Variants in SMC1A observed in about 807,000 individuals in gnomAD.
The protein encoded by SMC1A is structural maintenance of chromosomes 1A, also known as structural maintenance of chromosomes protein 1A.
Under a neutral mutation model 94.5 loss-of-function variants are expected in SMC1A, and 4 were observed. The observed-to-expected ratio is 0.04, with a 90% CI of 0.02 to 0.10. SMC1A has a LOEUF of 0.10. Among genes scored for constraint, SMC1A ranks in the 10% least tolerant of loss-of-function variants. The pLI is 1.00. For synonymous variants in SMC1A, 345 were observed against 347.7 expected (o/e 0.99, Z 0.09); for missense variants, 304 against 989.0 (o/e 0.31, Z 9.29).
At chrX:53,401,330 ATTCCCATTACC>A (rs2075669781) in intron 15 of SMC1A, among the ~76,000 whole-genome samples, 1 of 111,865 alleles carries the variant, frequency 8.9e-6, no homozygotes, top group Non-Finnish European at 1.9e-5. Flanking sequence ...CCCAATTTCC[ATTCCCATTACC>A]TTCCCTACTG....
chrX:53,382,676 A>G lies in SMC1A; in HGVS notation c.3131-16T>C, dbSNP rs781904593. 1.7e-5 allele frequency: 21 copies of G among 1,208,940 alleles called. No individual in the cohort carries two copies. The highest frequency in any genetic ancestry group is 2.1e-5 in the Non-Finnish European group (19 of 894,856). ...GCTTCAAACTCTGCCAGAAAGAAAG[A>G]CAGGAGACCCCTCAGTGCCCTGGCA... On this transcript the variant is annotated splice_polypyrimidine_tract_variant and intron_variant, in intron 20 of 24. Coordinates refer to ENST00000322213, the MANE Select transcript of SMC1A (RefSeq NM_006306.4).
chrX:53,393,324 G>GA (rs2075636883), intron 19 of SMC1A, among the ~76,000 whole-genome samples: 1 of 108,081 alleles, frequency 9.3e-6, no homozygotes, highest in African/African-American at 3.4e-5. Context: ...AAATACGAAG[G>GA]AAAAAAATAA....
chrX:53,407,746 T>C (rs925687560), intron 9 of SMC1A, among the ~76,000 whole-genome samples: 2 of 111,536 alleles, frequency 1.8e-5, no homozygotes, highest in Non-Finnish European at 3.8e-5. Flanking sequence ...GGAGAATTGC[T>C]TGGTGTGTGA....
chrX:53,418,917 T>C (rs1391997305), intron 1 of SMC1A, among the ~76,000 whole-genome samples: 1 of 107,974 alleles, frequency 9.3e-6, no homozygotes, highest in South Asian at 4.0e-4. Flanking sequence ...GTTGTGTGCC[T>C]ATAATCCCAG....
Position 53,378,332 on chromosome X carries a change from C to T in SMC1A, c.*1771G>A, listed in dbSNP as rs1215300700. ...CTTAATGTCCATCACAAAAGAAATG[C>T]GTAAGTAAAATGTGGTAATCATATG... On this transcript the variant is annotated 3_prime_UTR_variant, in exon 25 of 25. Transcript: ENST00000322213. 3 of 112,059 alleles carry T rather than the reference C, an allele frequency of 2.7e-5. No homozygotes were observed. Among genetic ancestry groups the T allele is most frequent in the Non-Finnish European group, 5.6e-5 (3 of 53,225 alleles). 9.2% of individuals were successfully genotyped at this position (112,059 alleles called of 1,213,427 possible). A position where few individuals can be genotyped will look rare whatever the true frequency, so the allele number is the denominator to read the frequency against.
intron 1 of SMC1A, 134 bp downstream of exon 1, chrX:53,422,358 C>G (rs1556892304): frequency 3.9e-6 from 2 of 511,329 alleles, no homozygotes; most frequent in East Asian, 7.1e-5. Flanking sequence ...TCGAGCAGAA[C>G]CCCCTCTGGA....
chrX:53,415,303 C>G, intron 1 of SMC1A, 134 bp from the exon 2 acceptor site: 1 of 546,198 alleles, frequency 1.8e-6, no homozygotes, highest in East Asian at 3.6e-5. Flanking sequence ...GAGACTACTC[C>G]TCTGTCCCCA....
chrX:53,384,166 G>A (rs1453359845), intron 19 of SMC1A, among the ~76,000 whole-genome samples: 2 of 111,437 alleles, frequency 1.8e-5, no homozygotes, highest in Non-Finnish European at 3.8e-5. Context: ...TTACCTCATC[G>A]GGTGATAAAA....
chrX:53,417,138 C>A (rs1556891400), intron 1 of SMC1A, among the ~76,000 whole-genome samples: 1 of 111,299 alleles, frequency 9.0e-6, no homozygotes, highest in African/African-American at 3.3e-5. Flanking sequence ...CTAGGAAATA[C>A]AGCAATACAA....
At chrX:53,394,377 G>A (rs1488962152) in intron 19 of SMC1A, among the ~76,000 whole-genome samples, 2 of 109,607 alleles carry the variant, frequency 1.8e-5, no homozygotes, top group East Asian at 2.9e-4. Flanking sequence ...CGGAAGCCAC[G>A]GAAGTAAAGT....
At chrX:53,395,189 A>G (rs1220413490) in intron 18 of SMC1A, among the ~76,000 whole-genome samples, 2 of 111,582 alleles carry the variant, frequency 1.8e-5, no homozygotes, top group Admixed American at 9.5e-5. Context: ...CTAAAAACAC[A>G]AAAATTAGCC....
At chrX:53,395,252 A>T (rs1008580152) in intron 18 of SMC1A, among the ~76,000 whole-genome samples, 1 of 112,580 alleles carries the variant, frequency 8.9e-6, no homozygotes, top group Non-Finnish European at 1.9e-5. Context: ...CTGAGGCACA[A>T]GAATCACTTG....
chrX:53,419,805 C>T (rs1187802305), intron 1 of SMC1A, among the ~76,000 whole-genome samples: 4 of 94,970 alleles, frequency 4.2e-5, no homozygotes, highest in African/African-American at 1.2e-4. Context: ...GCCTGGGCGA[C>T]AGAGAAAGAC....
At chrX:53,410,926 C>CAAAAAAAAAAAAAAAAA (rs56669032) in intron 7 of SMC1A, among the ~76,000 whole-genome samples, 11,508 of 28,804 alleles carry the variant, frequency 0.4, 5,266 homozygotes, top group Admixed American at 0.49. Context: ...GGCTTTGTCT[C>CAAAAAAAAAAAAAAAAA]AAAAAAAAAA....
At chrX:53,408,146 T>C (rs782423847) in intron 9 of SMC1A, among the ~76,000 whole-genome samples, 2 of 111,559 alleles carry the variant, frequency 1.8e-5, no homozygotes, top group Non-Finnish European at 3.8e-5. Flanking sequence ...CTGGCCAACA[T>C]GGTGAAACCC....
In SMC1A at chrX:53,405,856, G is replaced by A. The variant is rs2075689274; in HGVS notation, c.1646C>T (p.Ser549Leu). 1.7e-6 allele frequency: 2 copies of A among 1,210,899 alleles called. No individual in the cohort carries two copies. Among genetic ancestry groups the A allele is most frequent in the Non-Finnish European group, 2.2e-6 (2 of 894,941 alleles). ...AATACAGTCCCGGCCTGTCTTCTCCGAGTCCACAATAATGGCATCCATGTT... is the reference window on the plus strand; with the variant it reads ...AATACAGTCCCGGCCTGTCTTCTCCAAGTCCACAATAATGGCATCCATGTT... The part of the protein sequence containing the change: ...GKNMDAIIVD[S>L]EKTGRDCIQY... The change falls in exon 10 of 25, where the codon TCG becomes TTG. Residue 549 changes from serine (S) to leucine (L), a missense_variant. Around this residue, in one of 11 missense-constraint regions of SMC1A, gnomAD observed 57 missense variants for 278.1 expected, o/e 0.20. Coordinates refer to ENST00000322213, the MANE Select transcript of SMC1A (RefSeq NM_006306.4).
At chrX:53,412,381 G>A (rs1556890669) in intron 5 of SMC1A, 128 bp from the exon 6 acceptor site, 4 of 647,181 alleles carry the variant, frequency 6.2e-6, no homozygotes, top group South Asian at 2.7e-5. Flanking sequence ...GAACATGGGC[G>A]TAATGCCCCA....
intron 9 of SMC1A, among the ~76,000 whole-genome samples, chrX:53,408,840 T>TAAAAAAAAA (rs1295569888): frequency 1.5e-5 from 1 of 67,056 alleles, no homozygotes. Context: ...GGTTGAAAAA[T>TAAAAAAAAA]AAAAAAAAAA....
chrX:53,400,040 TA>T (rs1420005155), intron 15 of SMC1A, among the ~76,000 whole-genome samples: 1 of 111,866 alleles, frequency 8.9e-6, no homozygotes, highest in Admixed American at 9.5e-5. Flanking sequence ...CAAGGAGGCA[TA>T]AAAGAGTCCA....
Sources: gnomAD v4.1 joint callset for allele counts (sites outside exome capture counted in the v4.1 genomes callset) on GRCh38, gnomAD v4.1.1 for gene constraint, gnomAD v4.1.1 regional missense constraint, MANE v1.5 for transcripts, NCBI Gene and HGNC (gene_info 2026-07-23, HGNC 2026-07-21) for gene names.